PDE8B: variants seen among roughly 807,000 people sequenced by gnomAD.
PDE8B encodes phosphodiesterase 8B.
In PDE8B, 26 loss-of-function variants were observed where a neutral mutation model predicts 101.3. The ratio of observed to expected loss-of-function variants is 0.26; its 90% confidence interval spans 0.19 to 0.36. The LOEUF (loss-of-function observed/expected upper bound fraction) is 0.36, where lower values mean the gene tolerates loss of function less well. Among genes scored for constraint, PDE8B ranks in the 10% least tolerant of loss-of-function variants. The pLI is 1.00. For missense variants in PDE8B, 810 were observed against 1,163.1 expected, an observed-to-expected ratio of 0.70 and a Z score of 4.42; for synonymous variants, 424 against 429.3, an observed-to-expected ratio of 0.99 and a Z score of 0.15.
intron 10 of PDE8B, among the ~76,000 whole-genome samples, chr5:77,396,318 G>A (rs976920941): frequency 6.6e-6 from 1 of 152,152 alleles, no homozygotes; most frequent in African/African-American, 2.4e-5. Context: ...TAGCTTTGAG[G>A]CTAATGATCT....
rs150623306 is a variant in PDE8B at position 77,324,380 on chromosome 5, C to T, written c.400-1159C>T. ...GGGTACAAGCAGGGAACAAGCCAGGCCGAGCCCTCACTCTCCTGAAGCTTA... is the reference window on the plus strand; with the variant it reads ...GGGTACAAGCAGGGAACAAGCCAGGTCGAGCCCTCACTCTCCTGAAGCTTA... On this transcript the variant is annotated intron_variant, in intron 2 of 21. Transcript: ENST00000264917. 7.0e-3 allele frequency among the ~76,000 whole-genome samples: 1,063 copies of T among 152,248 alleles called. 7 individuals are homozygous for T. The highest frequency in any genetic ancestry group is 0.02 in the Middle Eastern group (6 of 294).
chr5:77,394,641 GA>G (rs1790634610), intron 10 of PDE8B, among the ~76,000 whole-genome samples: 1 of 152,104 alleles, frequency 6.6e-6, no homozygotes, highest in African/African-American at 2.4e-5. Flanking sequence ...TACTAGGTAG[GA>G]AAAATGTTTC....
the PDE8B span, among the ~76,000 whole-genome samples, chr5:77,136,821 T>C: frequency 6.6e-6 from 1 of 152,256 alleles, no homozygotes; most frequent in Non-Finnish European, 1.5e-5. Context: ...ACCCCCATCA[T>C]ATACTAGAAA....
At chr5:77,130,329 A>G in the PDE8B span, among the ~76,000 whole-genome samples, 1 of 152,166 alleles carries the variant, frequency 6.6e-6, no homozygotes, top group East Asian at 1.9e-4. Flanking sequence ...GTTAGATTAG[A>G]AACATCCAAT....
chr5:77,088,784 C>T, the PDE8B span: 1 of 151,970 alleles, frequency 6.6e-6, no homozygotes, highest in Non-Finnish European at 1.5e-5. Flanking sequence ...GATAGGGGGT[C>T]ATGGAGGGCC....
intron 10 of PDE8B, among the ~76,000 whole-genome samples, chr5:77,393,025 T>G (rs1341397659): frequency 3.3e-5 from 5 of 152,240 alleles, no homozygotes; most frequent in African/African-American, 7.2e-5. Flanking sequence ...AAAACTTGGT[T>G]CTTCTTTAGA....
intron 10 of PDE8B, among the ~76,000 whole-genome samples, chr5:77,395,917 G>A (rs768743267): frequency 2.6e-5 from 4 of 152,098 alleles, no homozygotes; most frequent in African/African-American, 9.7e-5. Context: ...CATTCTCAGG[G>A]TAAACAGATC....
intron 8 of PDE8B, 63 bp from the exon 9 acceptor site, chr5:77,351,002 C>A: frequency 8.6e-7 from 1 of 1,161,056 alleles, no homozygotes; most frequent in Non-Finnish European, 1.3e-6. Context: ...CTTCTGAGAC[C>A]CTCTGCAGGA....
At position 77,290,242 on chromosome 5, in the gene PDE8B, G is replaced by A. The variant is rs116209928; in HGVS notation, c.340-21752G>A. ...GCTGCAAAGACCAGCAAGCTCCTTG[G>A]ACCTTGGAGCAGGCCTGCTGCCTTC... On this transcript the variant is annotated intron_variant, in intron 1 of 21. Transcript: ENST00000264917. The A allele has an allele frequency of 1.5e-5, 23 of 1,549,708 alleles. No individual in the cohort carries two copies. In the African/African-American group the frequency reaches 3.0e-4, roughly 20 times the overall value.
chr5:77,181,167 G>T, the PDE8B span, among the ~76,000 whole-genome samples: 4 of 151,564 alleles, frequency 2.6e-5, no homozygotes, highest in African/African-American at 9.7e-5. Flanking sequence ...ACGGAGCGTG[G>T]ACTAAACCAC....
chr5:77,306,529 CAG>C (rs1407618860), intron 1 of PDE8B, among the ~76,000 whole-genome samples: 1 of 152,148 alleles, frequency 6.6e-6, no homozygotes, highest in African/African-American at 2.4e-5. Flanking sequence ...GAACCATTGT[CAG>C]AGGGCAAGGG....
intron 6 of PDE8B, among the ~76,000 whole-genome samples, chr5:77,344,629 C>G (rs1779826911): frequency 6.6e-6 from 1 of 152,160 alleles, no homozygotes; most frequent in Admixed American, 6.5e-5. Context: ...GGATGAAGCC[C>G]CACTGACTTA....
At chr5:77,403,823 C>CT (rs201207123) in intron 11 of PDE8B, among the ~76,000 whole-genome samples, 21,607 of 146,276 alleles carry the variant, frequency 0.15, 1,625 homozygotes, top group East Asian at 0.29. Context: ...TTCTTAAATT[C>CT]TTTTTTTTTT....
At chr5:77,348,635 A>G (rs1780556116) in intron 7 of PDE8B, among the ~76,000 whole-genome samples, 1 of 152,222 alleles carries the variant, frequency 6.6e-6, no homozygotes, top group African/African-American at 2.4e-5. Flanking sequence ...CCAGTTGTGG[A>G]GATGTGCATA....
chr5:77,213,818 C>T (rs1202360111), intron 1 of PDE8B: 2 of 152,412 alleles, frequency 1.3e-5, no homozygotes, highest in Non-Finnish European at 2.9e-5. Context: ...CTCTCTCTCT[C>T]TCTTTTCTAG....
the PDE8B span, among the ~76,000 whole-genome samples, chr5:77,184,664 C>A: frequency 1.3e-5 from 2 of 152,094 alleles, no homozygotes; most frequent in African/African-American, 4.8e-5. Flanking sequence ...CACAAATCAA[C>A]CCTGAAACCT....
chr5:77,242,545 A>G (rs1755979213), intron 1 of PDE8B, among the ~76,000 whole-genome samples: 1 of 152,254 alleles, frequency 6.6e-6, no homozygotes, highest in Admixed American at 6.5e-5. Context: ...GTAAAATAAT[A>G]GGTATGATTT....
chr5:77,328,899 A>T, intron 3 of PDE8B, 99 bp from the exon 4 acceptor site: 2 of 907,126 alleles, frequency 2.2e-6, no homozygotes, highest in Non-Finnish European at 3.7e-6. Flanking sequence ...TTAGAGAAAG[A>T]TTTGATGTTG....
the PDE8B span, among the ~76,000 whole-genome samples, chr5:77,205,303 G>T: frequency 1.3e-5 from 2 of 152,162 alleles, no homozygotes; most frequent in Non-Finnish European, 2.9e-5. Context: ...TATGGCAAAA[G>T]GTCCAAGAAG....
Sources: gnomAD v4.1 joint callset for allele counts (sites outside exome capture counted in the v4.1 genomes callset) on GRCh38, gnomAD v4.1.1 for gene constraint, MANE v1.5 for transcripts, NCBI Gene and HGNC (gene_info 2026-07-23, HGNC 2026-07-21) for gene names.